TRIP11: variants seen among roughly 807,000 people sequenced by gnomAD.
TRIP11 encodes the protein thyroid receptor-interacting protein 11.
Under a neutral mutation model 223.1 loss-of-function variants are expected in TRIP11, and 148 were observed. That is an observed-to-expected ratio of 0.66 (90% confidence interval 0.58 to 0.76). TRIP11 has a LOEUF of 0.76. TRIP11 is among the 30% of genes least tolerant of loss of function. TRIP11 has a pLI of 0.00. For synonymous variants in TRIP11, 762 were observed against 772.6 expected (o/e 0.99, Z 0.23); for missense variants, 2,043 against 2,222.0 (o/e 0.92, Z 1.62).
intron 15 of TRIP11, among the ~76,000 whole-genome samples, chr14:91,990,550 A>G (rs1048651171): frequency 1.3e-5 from 2 of 152,236 alleles, no homozygotes; most frequent in Admixed American, 1.3e-4. Flanking sequence ...AGTCCCAGCT[A>G]GTCAAAAGGC....
At chr14:91,987,080 A>G (rs183341037) in intron 16 of TRIP11, among the ~76,000 whole-genome samples, 216 of 152,364 alleles carry the variant, frequency 1.4e-3, no homozygotes, top group Non-Finnish European at 9.7e-4. Context: ...ATGCTTATAA[A>G]AAGTAAATGA....
intron 16 of TRIP11, among the ~76,000 whole-genome samples, chr14:91,981,317 A>T (rs2056541544): frequency 6.6e-6 from 1 of 151,116 alleles, no homozygotes; most frequent in African/African-American, 2.4e-5. Context: ...CACCCGGCCC[A>T]AATAATATAT....
chr14:92,033,529 A>AT (rs2057291774), intron 1 of TRIP11, among the ~76,000 whole-genome samples: 1 of 152,174 alleles, frequency 6.6e-6, no homozygotes. Context: ...GTTGTGGGAA[A>AT]TTAAGCTTTA....
chr14:92,004,692 G>A lies in TRIP11; in HGVS notation c.3284C>T (p.Ala1095Val), dbSNP rs758576424. The A allele has an allele frequency of 6.2e-7, 1 of 1,614,074 alleles. No individual in the cohort carries two copies. Among genetic ancestry groups the A allele is most frequent in the Non-Finnish European group, 8.5e-7 (1 of 1,180,008 alleles). The change falls in exon 11 of 21, where the codon GCT (alanine) becomes GTT (valine). Residue 1095 changes from alanine to valine, a missense_variant. Transcript: ENST00000267622. ...AGCAAATACCTTTTCTCTTTCCATA[G>A]CATAAGCCTGCAGTTGCTGTTGAAG... ...VYLQQQLQAY[A>V]MEREKVFAVL...
In TRIP11 at chr14:92,005,749, T is replaced by G. The variant is rs2056892374; in HGVS notation, c.2227A>C (p.Ile743Leu). ...TTACGTGCATTTGACAGTTCTTCAA[T>G]GGTTTTCTCATACTTGTTTGCTTCT... ...LEEANKYEKTIEELSNARNLN... is the reference protein window; with the variant it reads ...LEEANKYEKTLEELSNARNLN... Residue 743 changes from isoleucine to leucine, a missense_variant, in exon 11 of 21, where the codon ATT becomes CTT. Physicochemically the swap from Ile to Leu is conservative, Grantham distance 5 (BLOSUM62 2). Transcript: ENST00000267622. The G allele has an allele frequency of 6.2e-7, 1 of 1,614,002 alleles. No homozygotes were observed. The highest frequency in any genetic ancestry group is 1.7e-5 in the Admixed American group (1 of 60,010).
rs751505509 is a variant in TRIP11, at chr14:91,969,735, G to A, written c.5878C>T (p.Pro1960Ser). 5.6e-6 allele frequency: 9 copies of A among 1,613,464 alleles called. No individual in the cohort carries two copies. The highest frequency in any genetic ancestry group is 7.6e-6 in the Non-Finnish European group (9 of 1,180,042). ...PISDVLPTFT[P>S]LPALPDNSAG... ...CTGTTGTCAGGTAACGCTGGCAAAG[G>A]TGTAAATGTGGGCAAAACATCTGAG... The change falls in exon 21 of 21, where the codon CCT (proline) becomes TCT (serine). Residue 1960 changes from proline to serine, a missense_variant. By Grantham distance (74) the Pro-to-Ser change is moderately conservative (BLOSUM62 -1). Coordinates refer to ENST00000267622, the MANE Select transcript of TRIP11 (RefSeq NM_004239.4).
At chr14:92,010,880 G>A (rs550008721) in intron 9 of TRIP11, 106 bp downstream of exon 9, 1 of 1,052,324 alleles carries the variant, frequency 9.5e-7, no homozygotes, top group South Asian at 1.3e-5. Context: ...TTATTCTAAG[G>A]ACTTGAGCTC....
At chr14:92,019,070 A>G (rs1316350116) in intron 4 of TRIP11, among the ~76,000 whole-genome samples, 1 of 152,082 alleles carries the variant, frequency 6.6e-6, no homozygotes, top group Non-Finnish European at 1.5e-5. Context: ...GGGATAATAC[A>G]TATGGAAACA....
chr14:92,024,055 G>GA (rs1054166602), intron 3 of TRIP11, among the ~76,000 whole-genome samples: 36 of 143,396 alleles, frequency 2.5e-4, no homozygotes, highest in East Asian at 6.0e-4. Flanking sequence ...GGGGAATCAA[G>GA]AAAAAAAAAA....
rs1412250144 is a variant in TRIP11, at chr14:91,969,761, A to T, written c.5852T>A (p.Ile1951Asn). 6.2e-7 allele frequency: 1 copy of T among 1,613,914 alleles called. No homozygotes were observed. The highest frequency in any genetic ancestry group is 8.5e-7 in the Non-Finnish European group (1 of 1,180,028). Residue 1951 changes from isoleucine to asparagine, a missense_variant, in exon 21 of 21, where the codon ATC becomes AAC. By Grantham distance (149) the Ile-to-Asn change is moderately radical. Coordinates refer to ENST00000267622, the MANE Select transcript of TRIP11 (RefSeq NM_004239.4). ...TGTAAATGTGGGCAAAACATCTGAG[A>T]TGGGTTTCAGAAGAAGATGCCCGGG... ...GGPGHLLLKP[I>N]SDVLPTFTPL...
chr14:92,017,208 T>C (rs1165992858), intron 5 of TRIP11, among the ~76,000 whole-genome samples: 1 of 152,112 alleles, frequency 6.6e-6, no homozygotes, highest in Non-Finnish European at 1.5e-5. Flanking sequence ...CAGAGATTTT[T>C]ATATACTTTA....
intron 20 of TRIP11, among the ~76,000 whole-genome samples, chr14:91,970,487 T>TACAAA (rs1257632966): frequency 1.3e-5 from 2 of 152,080 alleles, no homozygotes; most frequent in East Asian, 3.9e-4. Context: ...CAAATACTAA[T>TACAAA]TTGTATGGCT....
intron 14 of TRIP11, among the ~76,000 whole-genome samples, chr14:91,994,258 CTTTTTT>C (rs539125037): frequency 7.8e-6 from 1 of 127,452 alleles, no homozygotes; most frequent in Non-Finnish European, 1.6e-5. Context: ...ACCTCAAAAA[CTTTTTT>C]TTTTTTTTTT....
intron 7 of TRIP11, 61 bp downstream of exon 7, chr14:92,014,154 T>G: frequency 6.2e-7 from 1 of 1,607,620 alleles, no homozygotes; most frequent in Non-Finnish European, 8.5e-7. Context: ...AGCATCTGTC[T>G]CTAAAAACAA....
chr14:92,004,567 G>A lies in TRIP11; in HGVS notation c.3409C>T (p.Gln1137Ter). 6.2e-7 allele frequency: 1 copy of A among 1,613,578 alleles called. No individual in the cohort carries two copies. The highest frequency in any genetic ancestry group is 1.7e-4 in the Middle Eastern group (1 of 6,060). The change falls in exon 11 of 21, where the codon CAA becomes TAA. Residue 1137 changes from glutamine (Q) to a stop codon, truncating the protein, a stop_gained. Coordinates refer to ENST00000267622, the MANE Select transcript of TRIP11 (RefSeq NM_004239.4). LOFTEE classifies it high-confidence loss of function. ...AAKEAALIKL[Q>*]DENKKLSTRF... The stretch of plus-strand genomic sequence containing the variant: ...GTGGACAATTTTTTATTTTCATCTT[G>A]CAGTTTGATAAGAGCTGCTTCCTTG...
intron 16 of TRIP11, among the ~76,000 whole-genome samples, chr14:91,982,136 CAG>C (rs2056553239): frequency 6.6e-6 from 1 of 152,056 alleles, no homozygotes. Flanking sequence ...GATTATTCAC[CAG>C]AGTTACTATG....
intron 1 of TRIP11, among the ~76,000 whole-genome samples, chr14:92,038,347 G>A (rs1425391734): frequency 6.6e-6 from 1 of 152,104 alleles, no homozygotes; most frequent in Non-Finnish European, 1.5e-5. Context: ...ATTTCCCATA[G>A]TTATCCAGCC....
At chr14:92,007,971 A>G (rs1276454665) in intron 9 of TRIP11, 119 bp from the exon 10 acceptor site, 1 of 721,094 alleles carries the variant, frequency 1.4e-6, no homozygotes, top group Non-Finnish European at 2.3e-6. Flanking sequence ...TGGAAATAAT[A>G]TTGAACAATA....
Position 92,006,066 on chromosome 14 carries a change from C to A in TRIP11, c.1910G>T (p.Ser637Ile), listed in dbSNP as rs1405278359. The part of the protein sequence containing the change: ...LMQSLNQDSN[S>I]NFKDTLLKER... ...TTTAAGTAAGGTATCCTTAAAATTA[C>A]TATTAGAGTCTTGATTTAGAGACTG... The change falls in exon 11 of 21, where the codon AGT becomes ATT. Residue 637 changes from serine to isoleucine, a missense_variant. By Grantham distance (142) the Ser-to-Ile change is moderately radical. Transcript: ENST00000267622. The A allele has an allele frequency of 1.3e-6, 2 of 1,584,744 alleles. No homozygotes were observed. The highest frequency in any genetic ancestry group is 2.4e-5 in the South Asian group (2 of 84,398).
Sources: allele counts gnomAD v4.1 joint callset (sites outside exome capture counted in the v4.1 genomes callset), GRCh38; gene constraint gnomAD v4.1.1; transcripts MANE v1.5; gene names NCBI Gene and HGNC (gene_info 2026-07-23, HGNC 2026-07-21).